Variants in MYCBP2 observed in about 807,000 individuals in gnomAD.
MYCBP2 encodes E3 ubiquitin-protein ligase MYCBP2.
MYCBP2 carries 120 observed loss-of-function variants against 525.3 expected under a neutral mutation model. The observed-to-expected ratio is 0.23, with a 90% CI of 0.20 to 0.27. The LOEUF (loss-of-function observed/expected upper bound fraction) is 0.27. Among genes scored for constraint, MYCBP2 ranks in the 10% least tolerant of loss-of-function variants. The probability of loss-of-function intolerance (pLI) is 1.00; values close to 1 mark genes in which losing one functional copy is unlikely to be tolerated. For missense variants in MYCBP2, 4,149 were observed against 5,657.1 expected (o/e 0.73, Z 8.55); for synonymous variants, 1,894 against 1,955.8 (o/e 0.97, Z 0.83).
intron 17 of MYCBP2, among the ~76,000 whole-genome samples, chr13:77,240,667 G>A (rs1245669375): frequency 6.6e-6 from 1 of 152,100 alleles, no homozygotes; most frequent in African/African-American, 2.4e-5. Flanking sequence ...ACTTTGCATA[G>A]TGCTGTGTTA....
rs2058945067 is a variant in MYCBP2, at chr13:77,169,671, G to C, written c.5838C>G (p.Ser1946=). The change falls in exon 39 of 83, where the codon TCC becomes TCG. Residue 1946 remains serine, a synonymous_variant. Coordinates refer to ENST00000544440, the MANE Select transcript of MYCBP2 (RefSeq NM_015057.5). ...PELLSSSSLF[S]MLLPLIIAYI... is the part of the protein sequence containing the mutation. ...AGGCTATAATAAGGGGGAGCAGCATGGAAAACAGACTGGAAGAACTCAGCA... is the reference window on the plus strand; with the variant it reads ...AGGCTATAATAAGGGGGAGCAGCATCGAAAACAGACTGGAAGAACTCAGCA... 1 of 1,613,834 alleles carries C rather than the reference G, an allele frequency of 6.2e-7. No homozygotes were observed. Among genetic ancestry groups the C allele is most frequent in the African/African-American group, 1.3e-5 (1 of 74,886 alleles).
chr13:77,323,708 CT>C (rs1267290359), intron 1 of MYCBP2, among the ~76,000 whole-genome samples: 3 of 152,226 alleles, frequency 2.0e-5, no homozygotes, highest in African/African-American at 7.2e-5. Flanking sequence ...GCAATACTGC[CT>C]GGCACAGAGC....
rs780440546 is a variant in MYCBP2 at position 77,326,334 on chromosome 13, A to G, written c.302+140T>C. 2.0e-5 allele frequency: 16 copies of G among 820,498 alleles called. No individual in the cohort carries two copies. Among genetic ancestry groups the G allele is most frequent in the Non-Finnish European group, 2.7e-5 (15 of 557,740 alleles). 50.8% of individuals were successfully genotyped at this position (820,498 alleles called of 1,614,324 possible). On this transcript the variant is annotated intron_variant, in intron 1 of 82. Coordinates refer to ENST00000544440, the MANE Select transcript of MYCBP2 (RefSeq NM_015057.5). This position sits in a 1 kb window ranked among gnomAD's most constrained non-coding sequence, Gnocchi z 4.2. ...CCTATCTCGATAAGTGCTCCTGCCA[A>G]CAGACATCCAGAGCGGACTGAAAGC... is the stretch of plus-strand genomic sequence containing the variant.
intron 15 of MYCBP2, 145 bp downstream of exon 15, chr13:77,251,006 T>A: frequency 1.8e-6 from 1 of 554,050 alleles, no homozygotes; most frequent in Non-Finnish European, 3.1e-6. Context: ...AGAATTATAA[T>A]ACTTTCTTGG....
intron 17 of MYCBP2, among the ~76,000 whole-genome samples, chr13:77,234,899 A>G (rs893702540): frequency 6.6e-6 from 1 of 152,006 alleles, no homozygotes; most frequent in African/African-American, 2.4e-5. Flanking sequence ...GTTTCTCCTC[A>G]TGAAAATACA....
chr13:77,320,912 A>G (rs2081524255), intron 1 of MYCBP2, among the ~76,000 whole-genome samples: 1 of 152,214 alleles, frequency 6.6e-6, no homozygotes, highest in South Asian at 2.1e-4. Flanking sequence ...ATGACATTCT[A>G]GAAAAGGTAA....
chr13:77,118,535 C>T (rs764872301), intron 55 of MYCBP2: 9 of 761,230 alleles, frequency 1.2e-5, no homozygotes, highest in East Asian at 2.4e-5. Context: ...ACTCGTTATT[C>T]ATTAACATCC....
At chr13:77,141,055 T>C in intron 49 of MYCBP2, 112 bp from the exon 50 acceptor site, 1 of 736,902 alleles carries the variant, frequency 1.4e-6, no homozygotes, top group Non-Finnish European at 2.2e-6. Context: ...CACAAATATC[T>C]GATTTCTGTC....
Position 77,161,915 on chromosome 13 carries a change from A to G in MYCBP2, c.6588T>C (p.Ala2196=). Residue 2196 remains alanine, a synonymous_variant, in exon 44 of 83, where the codon GCT becomes GCC. Transcript: ENST00000544440. ...ACATTTGGGACAATACCTGCAATGC[A>G]GCCTCCTCAAGAATTTCAAGGTCTT... ...LEEDLEILEE[A]ALQVCKTHSG... 4 of 1,608,546 alleles carry G rather than the reference A, an allele frequency of 2.5e-6. No homozygotes were observed. Among genetic ancestry groups the G allele is most frequent in the Non-Finnish European group, 3.4e-6 (4 of 1,177,154 alleles).
rs111394444 is a variant in MYCBP2, at chr13:77,263,751, T to C, written c.1470A>G (p.Glu490=). Residue 490 remains glutamate, a synonymous_variant, in exon 10 of 83, where the codon GAA becomes GAG. Coordinates refer to ENST00000544440, the MANE Select transcript of MYCBP2 (RefSeq NM_015057.5). ...GTTGCAATTCTTGCTGTAGAACAGGTTCAGTGCTTGTGGCAAATATTCTGA... is the reference window on the plus strand; with the variant it reads ...GTTGCAATTCTTGCTGTAGAACAGGCTCAGTGCTTGTGGCAAATATTCTGA... ...FVVRIFATST[E]PVLQQELQLK... is the part of the protein sequence containing the mutation. 6.2e-7 allele frequency: 1 copy of C among 1,613,170 alleles called. No individual in the cohort carries two copies. The highest frequency in any genetic ancestry group is 8.5e-7 in the Non-Finnish European group (1 of 1,179,446).
chr13:77,226,337 T>C (rs1050888344), intron 18 of MYCBP2, among the ~76,000 whole-genome samples: 1 of 152,152 alleles, frequency 6.6e-6, no homozygotes. Context: ...AATCTAACCA[T>C]AGCATCAAAA....
At chr13:77,259,044 C>G (rs1354358307) in intron 13 of MYCBP2, among the ~76,000 whole-genome samples, 1 of 152,112 alleles carries the variant, frequency 6.6e-6, no homozygotes. Flanking sequence ...CACTTGAGGT[C>G]AGGAGTTCGA....
chr13:77,270,140 T>G, intron 6 of MYCBP2, 77 bp from the exon 7 acceptor site: 5 of 1,430,036 alleles, frequency 3.5e-6, no homozygotes, highest in Non-Finnish European at 2.9e-6. Flanking sequence ...AATGGGTGAA[T>G]GACATTTAAT....
At chr13:77,080,935 C>T (rs1272321857) in intron 65 of MYCBP2, 1 of 146,532 alleles carries the variant, frequency 6.8e-6, no homozygotes, top group African/African-American at 2.6e-5. Context: ...AGGGAGACTC[C>T]ATCTCAGAAA....
chr13:77,197,075 A>G (rs1318597472), intron 26 of MYCBP2, among the ~76,000 whole-genome samples: 1 of 152,150 alleles, frequency 6.6e-6, no homozygotes, highest in African/African-American at 2.4e-5. Context: ...GAAGAGCTCA[A>G]TTGGGTTAAA....
intron 65 of MYCBP2, chr13:77,080,466 C>G (rs569405223): frequency 1.3e-5 from 2 of 152,306 alleles, no homozygotes; most frequent in South Asian, 4.1e-4. Flanking sequence ...AGTGCTATTT[C>G]TTTCTTGGTT....
At chr13:77,078,750 A>C (rs1344807667) in intron 66 of MYCBP2, 74 bp downstream of exon 66, 1 of 1,207,292 alleles carries the variant, frequency 8.3e-7, no homozygotes, top group Middle Eastern at 1.9e-4. Context: ...CAAGGGTGGA[A>C]TTCAATAGTG....
chr13:77,134,866 T>C (rs1045663562), intron 52 of MYCBP2, among the ~76,000 whole-genome samples: 9 of 152,238 alleles, frequency 5.9e-5, no homozygotes, highest in Non-Finnish European at 1.3e-4. Flanking sequence ...TAGATCCAAA[T>C]TGAGCTAAAG....
chr13:77,184,201 T>C (rs757215453), intron 32 of MYCBP2, among the ~76,000 whole-genome samples: 3 of 152,222 alleles, frequency 2.0e-5, no homozygotes, highest in Non-Finnish European at 4.4e-5. Flanking sequence ...TATCTTTCTA[T>C]GTGAAACATT....
Sources: allele counts gnomAD v4.1 joint callset (sites outside exome capture counted in the v4.1 genomes callset), GRCh38; gene constraint gnomAD v4.1.1; non-coding constraint Gnocchi (gnomAD v3.1); transcripts MANE v1.5; gene names NCBI Gene and HGNC (gene_info 2026-07-23, HGNC 2026-07-21).